The following ZNF302 variants were observed in gnomAD, a reference collection of about 807,000 sequenced individuals.
ZNF302 encodes the protein zinc finger protein 327.
A neutral mutation model predicts 10.8 loss-of-function variants in ZNF302; 12 were observed. That is an observed-to-expected ratio of 1.11 (90% CI 0.71 to 1.79). The LOEUF is 1.79. Among genes scored for constraint, ZNF302 ranks in the 40% most tolerant of loss-of-function variants. The pLI is 0.00. For missense variants in ZNF302, 461 were observed against 471.1 expected (o/e 0.98, Z 0.20); for synonymous variants, 178 against 157.5 (o/e 1.13, Z -0.98).
rs940785111 is a variant in ZNF302 at position 34,678,041 on chromosome 19, G to A, written c.-131G>A. 6.6e-6 allele frequency: 1 copy of A among 152,042 alleles called. No individual in the cohort carries two copies. Among genetic ancestry groups the A allele is most frequent in the African/African-American group, 2.4e-5 (1 of 41,362 alleles). The allele number at this position is 152,042 out of a possible 1,614,324, so 9.4% of individuals were successfully genotyped here. A position where few individuals can be genotyped will look rare whatever the true frequency, so the allele number is the denominator to read the frequency against. On this transcript the variant is annotated 5_prime_UTR_variant, in exon 1 of 5. Transcript: ENST00000505242. ...GGCGCGAGAGCAGACGCCAGCTACA[G>A]TTTTTTTTGGGTTATGTCGTCATGA... is the stretch of plus-strand genomic sequence containing the variant.
In ZNF302 at chr19:34,685,777, T is replaced by C; in HGVS notation, c.*540T>C. ...ATGCAGATTTTTTTATTAGAGTTTATACTGTAGAGAAATCATATGAAGTCA... is the reference window on the plus strand; with the variant it reads ...ATGCAGATTTTTTTATTAGAGTTTACACTGTAGAGAAATCATATGAAGTCA... On this transcript the variant is annotated 3_prime_UTR_variant, in exon 5 of 5. Coordinates refer to ENST00000505242, the MANE Select transcript of ZNF302 (RefSeq NM_001289187.2). 1 of 511,842 alleles carries C rather than the reference T, an allele frequency of 2.0e-6. No homozygotes were observed. Among genetic ancestry groups the C allele is most frequent in the South Asian group, 3.0e-5 (1 of 33,462 alleles). 31.7% of individuals were successfully genotyped at this position (511,842 alleles called of 1,614,324 possible).
In ZNF302 at chr19:34,679,593, A is replaced by C. The variant is rs747377654; in HGVS notation, c.9+780A>C. On this transcript the variant is annotated intron_variant, in intron 2 of 4. Coordinates refer to ENST00000505242, the MANE Select transcript of ZNF302 (RefSeq NM_001289187.2). ...TTCCCCCACATACGCACAAGCTTGC[A>C]TCCTTATCTCCTTCTGTGTTTGTTC... 2.6e-5 allele frequency among the ~76,000 whole-genome samples: 4 copies of C among 152,146 alleles called. No individual in the cohort carries two copies. The South Asian group carries it at 6.2e-4, about 24-fold the overall frequency.
intron 1 of ZNF302, 133 bp from the exon 2 acceptor site, chr19:34,678,604 G>C: frequency 1.7e-6 from 1 of 580,110 alleles, no homozygotes; most frequent in Admixed American, 3.0e-5. Context: ...GAAACACCCT[G>C]TTCCTTCCCA....
At chr19:34,682,402 T>C (rs576899341) in intron 2 of ZNF302, 4 of 161,874 alleles carry the variant, frequency 2.5e-5, no homozygotes, top group African/African-American at 4.8e-5. Context: ...TTTAGCCTTA[T>C]TTTTAATTAC....
At chr19:34,681,150 A>G (rs1158771701) in intron 2 of ZNF302, 1 of 152,498 alleles carries the variant, frequency 6.6e-6, no homozygotes, top group Non-Finnish European at 1.5e-5. Flanking sequence ...AAAGTAATAC[A>G]ATACTGAATG....
In ZNF302 at chr19:34,678,811, C is replaced by T; in HGVS notation, c.7C>T (p.Gln3Ter). 1 of 1,613,914 alleles carries T rather than the reference C, an allele frequency of 6.2e-7. No homozygotes were observed. The highest frequency in any genetic ancestry group is 2.2e-5 in the East Asian group (1 of 44,880). Residue 3 changes from glutamine to a stop codon, truncating the protein, a stop_gained and splice_region_variant, in exon 2 of 5, where the codon CAG becomes TAG. Transcript: ENST00000505242. LOFTEE classifies it high-confidence loss of function. ...CATTGGAAATTGCAGAATAATGTCT[C>T]AGGTAAGTCGGTGTGTCCCCAAATC... is the stretch of plus-strand genomic sequence containing the variant. MS[Q>*]VTFSDVAIDF...
upstream of ZNF302, chr19:34,677,373 C>A (rs1001348574): frequency 6.6e-6 from 1 of 152,122 alleles, no homozygotes; most frequent in African/African-American, 2.4e-5. Context: ...TTGGTCCGGG[C>A]GCCATGGCCC....
chr19:34,682,366 G>A (rs2068397597), intron 2 of ZNF302: 1 of 156,128 alleles, frequency 6.4e-6, no homozygotes. Flanking sequence ...GAATCTTTCT[G>A]AGTATCATAT....
intron 2 of ZNF302, 139 bp from the exon 3 acceptor site, chr19:34,682,638 C>A (rs2068413876): frequency 3.9e-6 from 5 of 1,278,924 alleles, no homozygotes; most frequent in Non-Finnish European, 5.4e-6. Flanking sequence ...TTATTACTTA[C>A]CTGACATCAC....
rs373082550 is a variant in ZNF302 at position 34,684,954 on chromosome 19, T to A, written c.917T>A (p.Ile306Asn). The A allele has an allele frequency of 6.2e-7, 1 of 1,613,930 alleles. No homozygotes were observed. Among genetic ancestry groups the A allele is most frequent in the African/African-American group, 1.3e-5 (1 of 74,928 alleles). The change falls in exon 5 of 5, where the codon ATT (isoleucine) becomes AAT (asparagine). Residue 306 changes from isoleucine to asparagine, a missense_variant. Transcript: ENST00000505242. ...TCCCTTCTCATTCAGCATCTAAGAA[T>A]TCATACGCAAGAAAAACGCTATGAG... ...RVSLLIQHLR[I>N]HTQEKRYECR...
At chr19:34,683,847 G>T in intron 4 of ZNF302, 1 of 623,130 alleles carries the variant, frequency 1.6e-6, no homozygotes, top group Non-Finnish European at 2.4e-6. Context: ...ATTAATGGAA[G>T]GTTGGAAAAA....
In ZNF302 at chr19:34,684,760, T is replaced by C. The variant is rs772250384; in HGVS notation, c.723T>C (p.Gly241=). The C allele has an allele frequency of 8.1e-6, 13 of 1,613,796 alleles. No individual in the cohort carries two copies. The East Asian group carries it at 1.1e-4, about 14-fold the overall frequency. The change falls in exon 5 of 5, where the codon GGT becomes GGC. Residue 241 remains glycine, a synonymous_variant. Transcript: ENST00000505242. ...CRECGKTFSH[G]SSLTRHQISH... is the part of the protein sequence containing the mutation. ...AATGTGGGAAGACTTTTAGCCATGG[T>C]TCATCCCTTACACGACATCAGATAA...
chr19:34,685,621 A>C lies in ZNF302; in HGVS notation c.*384A>C, dbSNP rs539473878. 9.4e-7 allele frequency: 1 copy of C among 1,062,200 alleles called. No individual in the cohort carries two copies. Among genetic ancestry groups the C allele is most frequent in the Non-Finnish European group, 1.4e-6 (1 of 698,574 alleles). The allele number at this position is 1,062,200 out of a possible 1,614,324, so 65.8% of individuals were successfully genotyped here. On this transcript the variant is annotated 3_prime_UTR_variant, in exon 5 of 5. Coordinates refer to ENST00000505242, the MANE Select transcript of ZNF302 (RefSeq NM_001289187.2). Reference sequence around the variant, plus strand: ...ATATGAATCCCTATACATGTGAGAAATCTTACAGAAGAGAAGCAGTGTTTA... The same window carrying C: ...ATATGAATCCCTATACATGTGAGAACTCTTACAGAAGAGAAGCAGTGTTTA...
intron 2 of ZNF302, among the ~76,000 whole-genome samples, chr19:34,680,437 G>C (rs888090776): frequency 6.6e-6 from 1 of 152,076 alleles, no homozygotes; most frequent in Admixed American, 6.5e-5. Context: ...TGTGGCTTAA[G>C]CAATGGAGAA....
At chr19:34,684,063 T>C in intron 4 of ZNF302, 189 bp from the exon 5 acceptor site, 1 of 1,519,650 alleles carries the variant, frequency 6.6e-7, no homozygotes, top group Non-Finnish European at 8.8e-7. Context: ...ATTTGAGCAT[T>C]GTTCAGAAGT....
rs149807567 is a variant in ZNF302, at chr19:34,682,779, G to C, written c.12G>C (p.Val4=). ...CCTAAATATATTTGCTATTTCAGGT[G>C]ACATTTAGTGATGTGGCTATAGACT... MSQ[V]TFSDVAIDFS... Residue 4 remains valine, a splice_region_variant and synonymous_variant, in exon 3 of 5, where the codon GTG becomes GTC. Coordinates refer to ENST00000505242, the MANE Select transcript of ZNF302 (RefSeq NM_001289187.2). 6.0e-4 allele frequency: 962 copies of C among 1,613,474 alleles called. 3 individuals carry two copies. In the East Asian group the frequency reaches 0.014, roughly 24 times the overall value.
intron 4 of ZNF302, chr19:34,684,038 T>C (rs746875792): frequency 1.9e-5 from 28 of 1,511,128 alleles, no homozygotes; most frequent in Non-Finnish European, 2.4e-5. Context: ...CTGTGAACTT[T>C]GGATTCTCTG....
rs201759224 is a variant in ZNF302 at position 34,685,225 on chromosome 19, G to C, written c.1188G>C (p.Pro396=). 4 of 1,612,356 alleles carry C rather than the reference G, an allele frequency of 2.5e-6. No individual in the cohort carries two copies. In the African/African-American group the frequency reaches 4.0e-5, roughly 16 times the overall value. Residue 396 remains proline, a synonymous_variant, in exon 5 of 5, where the codon CCG becomes CCC. Transcript: ENST00000505242. ...AGAGTATTCATACTGAAGAAAAACC[G>C]TTTGAAGTTTAGAAATGCAGGAAAT... is the stretch of plus-strand genomic sequence containing the variant. ...QHQSIHTEEK[P]FEV is the part of the protein sequence containing the mutation.
chr19:34,676,572 T>A (rs944355556), upstream of ZNF302: 1 of 152,198 alleles, frequency 6.6e-6, no homozygotes, highest in Non-Finnish European at 1.5e-5. Context: ...ATTGTTTCTT[T>A]ACTTTCTTAA....
Sources: gnomAD v4.1 joint callset for allele counts (sites outside exome capture counted in the v4.1 genomes callset) on GRCh38, gnomAD v4.1.1 for gene constraint, MANE v1.5 for transcripts, NCBI Gene and HGNC (gene_info 2026-07-23, HGNC 2026-07-21) for gene names.